NR2C2: variants seen among roughly 807,000 people sequenced by gnomAD.
NR2C2 encodes the protein nuclear receptor subfamily 2 group C member 2, also known as Nuclear hormone receptor TR4.
Under a neutral mutation model 62.9 loss-of-function variants are expected in NR2C2, and 6 were observed. That is an observed-to-expected ratio of 0.10 (90% CI 0.05 to 0.19). NR2C2 has a LOEUF of 0.19. Among genes scored for constraint, NR2C2 ranks in the 10% least tolerant of loss-of-function variants. NR2C2 has a pLI of 1.00. For synonymous variants in NR2C2, 272 were observed against 273.8 expected, an observed-to-expected ratio of 0.99 and a Z score of 0.07; for missense variants, 479 against 762.7, an observed-to-expected ratio of 0.63 and a Z score of 4.38.
chr3:14,968,234 G>A (rs370904842), intron 1 of NR2C2, among the ~76,000 whole-genome samples: 2,396 of 151,902 alleles, frequency 0.016, 65 homozygotes, highest in African/African-American at 0.053. Flanking sequence ...TTCGCAACCT[G>A]CTCATCTGAC....
At chr3:15,033,110 GA>G (rs901281475) in intron 10 of NR2C2, among the ~76,000 whole-genome samples, 1 of 152,200 alleles carries the variant, frequency 6.6e-6, no homozygotes, top group Non-Finnish European at 1.5e-5. Context: ...CTGGTTGAAA[GA>G]TAAGTAACCA....
intron 1 of NR2C2, among the ~76,000 whole-genome samples, chr3:14,975,993 C>G (rs565130738): frequency 2.0e-5 from 3 of 152,032 alleles, no homozygotes; most frequent in Non-Finnish European, 4.4e-5. Context: ...GGGCTGACCT[C>G]GAACTCCTGG....
chr3:14,991,236 A>G (rs941189018), intron 1 of NR2C2, among the ~76,000 whole-genome samples: 8 of 152,344 alleles, frequency 5.3e-5, no homozygotes, highest in African/African-American at 1.7e-4. Flanking sequence ...AGCTGGATAT[A>G]TATGTCATCA....
chr3:14,965,336 T>C (rs1271199077), intron 1 of NR2C2, among the ~76,000 whole-genome samples: 1 of 152,198 alleles, frequency 6.6e-6, no homozygotes, highest in Non-Finnish European at 1.5e-5. Flanking sequence ...TCTTTCTTTT[T>C]CTTTCTATAT....
At position 14,965,281 on chromosome 3, in the gene NR2C2, G is replaced by C. The variant is rs541961879; in HGVS notation, c.-40+17375G>C. Among the ~76,000 whole-genome samples, 8 of 152,280 alleles carry C rather than the reference G, an allele frequency of 5.3e-5. No homozygotes were observed. The South Asian group carries it at 1.7e-3, about 32-fold the overall frequency. Reference sequence around the variant, plus strand: ...AATATCTGTGTTTCCACCTGAGGCTGATTTGGAAACTGCTATGTGGATTGC... The same window carrying C: ...AATATCTGTGTTTCCACCTGAGGCTCATTTGGAAACTGCTATGTGGATTGC... On this transcript the variant is annotated intron_variant, in intron 1 of 13. Transcript: ENST00000425241.
In NR2C2 at chr3:15,032,507, G is replaced by A. The variant is rs748461324; in HGVS notation, c.1232+7G>A. The A allele has an allele frequency of 3.1e-6, 5 of 1,614,198 alleles. No individual in the cohort carries two copies. The South Asian group carries it at 5.5e-5, about 18-fold the overall frequency. On this transcript the variant is annotated splice_region_variant and intron_variant, in intron 10 of 13. Coordinates refer to ENST00000425241, the MANE Select transcript of NR2C2 (RefSeq NM_001291694.2). The stretch of plus-strand genomic sequence containing the variant: ...CAGCCTTTCAGGCACTTGGGTAAGT[G>A]GCCTCTTGCTGTGCATGTATCCTCG...
intron 2 of NR2C2, among the ~76,000 whole-genome samples, chr3:15,006,622 TC>T: frequency 6.6e-6 from 1 of 152,018 alleles, no homozygotes; most frequent in Non-Finnish European, 1.5e-5. Context: ...CCGTTCCACC[TC>T]CCTCTCTAGG....
chr3:15,001,619 G>C (rs761580670), intron 1 of NR2C2, among the ~76,000 whole-genome samples: 11 of 152,066 alleles, frequency 7.2e-5, no homozygotes, highest in Non-Finnish European at 1.5e-4. Flanking sequence ...ACAGGTGTGA[G>C]CCACTGTGCC....
chr3:15,038,528 CCACAGACTGTGTATAG>C (rs1359372732), intron 12 of NR2C2: 1 of 169,614 alleles, frequency 5.9e-6, no homozygotes, highest in Non-Finnish European at 1.3e-5. Context: ...ACTTGTTTGC[CCACAGACTGTGTATAG>C]CACTGCAGAG....
intron 2 of NR2C2, among the ~76,000 whole-genome samples, chr3:15,011,793 G>A (rs1013028752): frequency 2.6e-5 from 4 of 152,146 alleles, no homozygotes; most frequent in South Asian, 4.1e-4. Context: ...ACACTTTGCC[G>A]CATTTTTGCA....
In NR2C2 at chr3:14,992,312, C is replaced by CAGTA. The variant is rs1221137248; in HGVS notation, c.-39-11563_-39-11560dup. Reference sequence around the variant, plus strand: ...TAAACCCCCCTGTGTCGGTGGAAGCCAGTACTCCTTGGTTTATATAATGAA... The same window carrying CAGTA: ...TAAACCCCCCTGTGTCGGTGGAAGCCAGTAAGTACTCCTTGGTTTATATAATGAA... On this transcript the variant is annotated intron_variant, in intron 1 of 13. Transcript: ENST00000425241. Among the ~76,000 whole-genome samples, 4 of 152,076 alleles carry CAGTA rather than the reference C, an allele frequency of 2.6e-5. No individual in the cohort carries two copies. The East Asian group carries it at 7.7e-4, about 29-fold the overall frequency.
chr3:14,980,214 G>A (rs75999674), intron 1 of NR2C2, among the ~76,000 whole-genome samples: 62 of 151,864 alleles, frequency 4.1e-4, no homozygotes, highest in African/African-American at 1.4e-3. Flanking sequence ...GCAGAGGTGT[G>A]ATCACAGCTC....
intron 1 of NR2C2, among the ~76,000 whole-genome samples, chr3:14,994,360 T>C (rs182066875): frequency 6.5e-4 from 99 of 151,870 alleles, no homozygotes; most frequent in African/African-American, 2.2e-3. Flanking sequence ...AATCATTACC[T>C]GCACCTTCTT....
intron 2 of NR2C2, among the ~76,000 whole-genome samples, chr3:15,009,945 T>G (rs190943320): frequency 6.6e-6 from 1 of 152,342 alleles, no homozygotes; most frequent in Non-Finnish European, 1.5e-5. Flanking sequence ...CCACATGGTC[T>G]TCTTATAAGG....
intron 1 of NR2C2, among the ~76,000 whole-genome samples, chr3:14,985,412 T>G (rs141649520): frequency 1.3e-5 from 2 of 152,286 alleles, no homozygotes; most frequent in Non-Finnish European, 2.9e-5. Flanking sequence ...AGGTTTTACA[T>G]CTGTGATTAC....
intron 1 of NR2C2, among the ~76,000 whole-genome samples, chr3:14,982,315 G>A (rs2040393967): frequency 6.6e-6 from 1 of 152,182 alleles, no homozygotes; most frequent in African/African-American, 2.4e-5. Flanking sequence ...AAGCAGTTGT[G>A]AGCCACTGTG....
At chr3:14,988,167 A>C (rs931620179) in intron 1 of NR2C2, among the ~76,000 whole-genome samples, 4 of 152,270 alleles carry the variant, frequency 2.6e-5, no homozygotes, top group Non-Finnish European at 5.9e-5. Flanking sequence ...AACAACACCC[A>C]GAATCACACT....
chr3:15,019,222 T>TC (rs2041602942), intron 4 of NR2C2, among the ~76,000 whole-genome samples: 1 of 150,030 alleles, frequency 6.7e-6, no homozygotes, highest in Admixed American at 6.6e-5. Flanking sequence ...GACTCTTGTC[T>TC]CAAAAAAAAA....
chr3:15,013,679 A>G lies in NR2C2; in HGVS notation c.163A>G (p.Ser55Gly), dbSNP rs1240648968. ...GSPKQQFILT[S>G]PDGAGTGKVI... ...CCCCAAACAGCAGTTCATCCTGACCAGCCCAGATGGAGCTGGAACTGGGAA... is the reference window on the plus strand; with the variant it reads ...CCCCAAACAGCAGTTCATCCTGACCGGCCCAGATGGAGCTGGAACTGGGAA... Residue 55 changes from serine (S) to glycine (G), a missense_variant, in exon 3 of 14, where the codon AGC becomes GGC. This residue lies in a region of NR2C2 where 115 missense variants were observed against 152.3 expected (regional missense o/e 0.76). Transcript: ENST00000425241. The G allele has an allele frequency of 1.2e-6, 2 of 1,614,082 alleles. No individual in the cohort carries two copies. Among genetic ancestry groups the G allele is most frequent in the Admixed American group, 1.7e-5 (1 of 60,006 alleles).
Sources: allele counts gnomAD v4.1 joint callset (sites outside exome capture counted in the v4.1 genomes callset), GRCh38; gene constraint gnomAD v4.1.1; regional missense constraint gnomAD v4.1.1; transcripts MANE v1.5; gene names NCBI Gene and HGNC (gene_info 2026-07-23, HGNC 2026-07-21).